CADPS2: variants seen among roughly 807,000 people sequenced by gnomAD.
CADPS2 encodes calcium dependent secretion activator 2.
A neutral mutation model predicts 172.5 loss-of-function variants in CADPS2; 93 were observed. The ratio of observed to expected loss-of-function variants is 0.54; its 90% CI spans 0.46 to 0.64. The LOEUF is 0.64. CADPS2 is among the 30% of genes least tolerant of loss of function. The probability of loss-of-function intolerance (pLI) is 0.00; values close to 1 mark genes in which losing one functional copy is unlikely to be tolerated. For missense variants in CADPS2, 1,420 were observed against 1,565.9 expected (o/e 0.91, Z 1.57); for synonymous variants, 546 against 555.2 (o/e 0.98, Z 0.23).
chr7:122,362,073 AG>A (rs1316884917), intron 25 of CADPS2, among the ~76,000 whole-genome samples: 2 of 152,198 alleles, frequency 1.3e-5, no homozygotes, highest in Non-Finnish European at 2.9e-5. Flanking sequence ...GCCTTAAAAA[AG>A]AAAAACAAAA....
chr7:122,430,469 A>T (rs908772698), intron 17 of CADPS2, among the ~76,000 whole-genome samples: 9 of 152,204 alleles, frequency 5.9e-5, no homozygotes, highest in Admixed American at 5.9e-4. Flanking sequence ...TTGCATCAAC[A>T]AGGCACATGA....
At chr7:122,703,954 G>A (rs2086577360) in intron 2 of CADPS2, among the ~76,000 whole-genome samples, 1 of 152,000 alleles carries the variant, frequency 6.6e-6, no homozygotes. Context: ...ATGCCTTATT[G>A]TTTAGTTTTA....
intron 2 of CADPS2, among the ~76,000 whole-genome samples, chr7:122,697,011 A>G (rs1284015265): frequency 1.3e-5 from 2 of 152,196 alleles, no homozygotes; most frequent in African/African-American, 4.8e-5. Context: ...TAAACATTTT[A>G]TTTAAGAAAA....
chr7:122,547,078 T>A (rs1393386862), intron 8 of CADPS2, among the ~76,000 whole-genome samples: 4 of 151,814 alleles, frequency 2.6e-5, no homozygotes, highest in Non-Finnish European at 5.9e-5. Context: ...TAGGGTGTTT[T>A]TTTTTTGCCT....
intron 2 of CADPS2, among the ~76,000 whole-genome samples, chr7:122,679,472 G>A (rs77466975): frequency 0.12 from 17,669 of 152,088 alleles, 1,487 homozygotes; most frequent in African/African-American, 0.24. Flanking sequence ...ACAGCAGGAC[G>A]TGGACGTTCA....
chr7:122,872,318 ACATTTT>A (rs1819969476), intron 1 of CADPS2, among the ~76,000 whole-genome samples: 2 of 152,152 alleles, frequency 1.3e-5, no homozygotes, highest in African/African-American at 4.8e-5. Context: ...AATTACTTGA[ACATTTT>A]GGCCTCCCTC....
chr7:122,695,421 T>C (rs1054165785), intron 2 of CADPS2, among the ~76,000 whole-genome samples: 2 of 152,232 alleles, frequency 1.3e-5, no homozygotes, highest in Non-Finnish European at 2.9e-5. Context: ...TGAAAATCTA[T>C]TATAATGAAT....
chr7:122,761,553 A>C (rs2093378984), intron 1 of CADPS2, among the ~76,000 whole-genome samples: 1 of 152,116 alleles, frequency 6.6e-6, no homozygotes, highest in African/African-American at 2.4e-5. Context: ...AAATTAATGG[A>C]AAAAGGCAAC....
chr7:122,838,596 C>G (rs929121093), intron 1 of CADPS2, among the ~76,000 whole-genome samples: 2 of 152,200 alleles, frequency 1.3e-5, no homozygotes, highest in African/African-American at 4.8e-5. Flanking sequence ...GATACAAAAT[C>G]AATGTGCAAA....
At chr7:122,585,942 C>T (rs1449760165) in intron 6 of CADPS2, among the ~76,000 whole-genome samples, 1 of 151,794 alleles carries the variant, frequency 6.6e-6, no homozygotes, top group African/African-American at 2.4e-5. Flanking sequence ...CTTATCCTAT[C>T]AAAATAATTG....
At chr7:122,768,095 A>C (rs1253306457) in intron 1 of CADPS2, among the ~76,000 whole-genome samples, 2 of 152,196 alleles carry the variant, frequency 1.3e-5, no homozygotes, top group Non-Finnish European at 2.9e-5. Context: ...TGGTGATGAA[A>C]GCCAAACTTT....
intron 8 of CADPS2, among the ~76,000 whole-genome samples, chr7:122,550,625 C>A (rs2064155987): frequency 6.6e-6 from 1 of 151,710 alleles, no homozygotes; most frequent in African/African-American, 2.4e-5. Context: ...AGAAAGTAAC[C>A]TTTGAATTAG....
chr7:122,345,227 G>A (rs967192472), intron 28 of CADPS2, among the ~76,000 whole-genome samples: 3 of 152,178 alleles, frequency 2.0e-5, no homozygotes, highest in African/African-American at 7.2e-5. Context: ...CCCGGCTCAA[G>A]CGATTCTTGT....
chr7:122,527,582 T>G (rs55728082), intron 8 of CADPS2, among the ~76,000 whole-genome samples: 20,829 of 92,366 alleles, frequency 0.23, 2,639 homozygotes, highest in East Asian at 0.35. Context: ...TAATACTGAA[T>G]AGAGAGAGAG....
chr7:122,555,599 A>G (rs1370647874), intron 7 of CADPS2, among the ~76,000 whole-genome samples: 1 of 151,940 alleles, frequency 6.6e-6, no homozygotes, highest in Admixed American at 6.6e-5. Flanking sequence ...TAATTTTTTC[A>G]CAAACAAAAT....
intron 6 of CADPS2, among the ~76,000 whole-genome samples, chr7:122,611,239 GGAGA>G (rs1194728027): frequency 6.6e-6 from 1 of 152,020 alleles, no homozygotes; most frequent in Non-Finnish European, 1.5e-5. Context: ...CAGAAAAATA[GGAGA>G]GAGTCCAAGA....
intron 8 of CADPS2, among the ~76,000 whole-genome samples, chr7:122,554,221 C>A (rs1431353146): frequency 6.6e-6 from 1 of 152,094 alleles, no homozygotes; most frequent in African/African-American, 2.4e-5. Context: ...AAGCTTGTTT[C>A]AACTATTATT....
chr7:122,745,484 A>G (rs951993614), intron 1 of CADPS2, among the ~76,000 whole-genome samples: 3 of 151,754 alleles, frequency 2.0e-5, no homozygotes, highest in Non-Finnish European at 4.4e-5. Flanking sequence ...GACTTCTTTC[A>G]ATAAAAGGTG....
chr7:122,590,769 A>C (rs958708370), intron 6 of CADPS2, among the ~76,000 whole-genome samples: 17 of 152,044 alleles, frequency 1.1e-4, no homozygotes, highest in African/African-American at 3.9e-4. Flanking sequence ...TCCTAAGTCA[A>C]AAATTTTAAA....
Sources: gnomAD v4.1 joint callset for allele counts (sites outside exome capture counted in the v4.1 genomes callset) on GRCh38, gnomAD v4.1.1 for gene constraint, MANE v1.5 for transcripts, NCBI Gene and HGNC (gene_info 2026-07-23, HGNC 2026-07-21) for gene names.